The following LARP7 variants were observed in gnomAD, a reference collection of about 807,000 sequenced individuals.
LARP7 encodes the protein la-related protein 7.
In LARP7, 52 loss-of-function variants were observed where a neutral mutation model predicts 69.3. The ratio of observed to expected loss-of-function variants is 0.75; its 90% CI spans 0.60 to 0.95. The LOEUF is 0.95. Among genes scored for constraint, LARP7 ranks in the 40% least tolerant of loss-of-function variants. The pLI is 0.00. For missense variants in LARP7, 733 were observed against 673.0 expected, an observed-to-expected ratio of 1.09 and a Z score of -0.99; for synonymous variants, 254 against 215.9, an observed-to-expected ratio of 1.18 and a Z score of -1.55.
At position 112,654,150 on chromosome 4, in the gene LARP7, C is replaced by T. The variant is rs2048866200; in HGVS notation, c.1659C>T (p.Gly553=). The stretch of plus-strand genomic sequence containing the variant: ...ATCAGCCTCGGGAAAAGAAAAGAGG[C>T]ACTGAAAAGGTAATTGATTCATTTT... The part of the protein sequence containing the change: ...KLNQPREKKR[G]TEKLITKAEK... The change falls in exon 12 of 13, where the codon GGC becomes GGT. Residue 553 remains glycine, a synonymous_variant. Transcript: ENST00000344442. 1 of 1,612,212 alleles carries T rather than the reference C, an allele frequency of 6.2e-7. No individual in the cohort carries two copies. Among genetic ancestry groups the T allele is most frequent in the South Asian group, 1.1e-5 (1 of 91,006 alleles).
chr4:112,649,537 G>A lies in LARP7; in HGVS notation c.1145G>A (p.Ser382Asn), dbSNP rs746681944. Reference protein sequence around the residue: ...EVIPLRVLSKSEWMDLKKEYL... With the variant: ...EVIPLRVLSKNEWMDLKKEYL... ...TATCACCATTTCTTTCCTTGTAGGA[G>A]CGAATGGATGGATTTGAAAAAAGAG... The change falls in exon 9 of 13, where the codon AGC becomes AAC. Residue 382 changes from serine to asparagine, a missense_variant and splice_region_variant. Physicochemically the swap from Ser to Asn is conservative, Grantham distance 46. Coordinates refer to ENST00000344442, the MANE Select transcript of LARP7 (RefSeq NM_016648.4). The A allele has an allele frequency of 8.2e-6, 13 of 1,594,220 alleles. No homozygotes were observed. Among genetic ancestry groups the A allele is most frequent in the Non-Finnish European group, 1.1e-5 (13 of 1,171,390 alleles).
At chr4:112,653,352 C>G in intron 11 of LARP7, 116 bp downstream of exon 11, 1 of 752,052 alleles carries the variant, frequency 1.3e-6, no homozygotes, top group Non-Finnish European at 2.0e-6. Context: ...CTCTGTCGCT[C>G]AGGCTGGAGT....
chr4:112,648,703 A>C (rs970054344), intron 8 of LARP7: 2 of 346,658 alleles, frequency 5.8e-6, no homozygotes, highest in East Asian at 7.5e-5. Flanking sequence ...GAAGGGTAAA[A>C]GGCAGGGACT....
intron 1 of LARP7, among the ~76,000 whole-genome samples, chr4:112,638,705 G>GT (rs1415977237): frequency 6.6e-6 from 1 of 152,152 alleles, no homozygotes; most frequent in African/African-American, 2.4e-5. Flanking sequence ...CTAGGTTTGT[G>GT]TGAATACATC....
rs762734597 is a variant in LARP7, at chr4:112,654,137, A to G, written c.1646A>G (p.Glu549Gly). ...CAGGCAAAACTTAATCAGCCTCGGG[A>G]AAAGAAAAGAGGCACTGAAAAGGTA... ...DRQAKLNQPREKKRGTEKLIT... is the reference protein window; with the variant it reads ...DRQAKLNQPRGKKRGTEKLIT... The change falls in exon 12 of 13, where the codon GAA becomes GGA. Residue 549 changes from glutamate to glycine, a missense_variant. Coordinates refer to ENST00000344442, the MANE Select transcript of LARP7 (RefSeq NM_016648.4). 1.2e-6 allele frequency: 2 copies of G among 1,613,554 alleles called. No individual in the cohort carries two copies. Among genetic ancestry groups the G allele is most frequent in the South Asian group, 1.1e-5 (1 of 91,076 alleles).
rs199928063 is a variant in LARP7 at position 112,646,979 on chromosome 4, AAAAAG to A, written c.552+28_552+32del. 5.3e-4 allele frequency: 835 copies of A among 1,564,988 alleles called. No individual in the cohort carries two copies. In the African/African-American group the frequency reaches 9.8e-3, roughly 18 times the overall value. ...AGGTAAGTCCAGATCCTAAAAAAAA[AAAAAG>A]AAAGAAAAGAAAACAAGTATTAAAA... On this transcript the variant is annotated intron_variant, in intron 5 of 12. Coordinates refer to ENST00000344442, the MANE Select transcript of LARP7 (RefSeq NM_016648.4).
intron 12 of LARP7, chr4:112,655,457 TG>T (rs1250101283): frequency 6.6e-6 from 1 of 152,222 alleles, no homozygotes; most frequent in Non-Finnish European, 1.5e-5. Context: ...TAAGTAGCTA[TG>T]GAAGTAGCCA....
At chr4:112,648,136 T>A in intron 8 of LARP7, 1 of 528,206 alleles carries the variant, frequency 1.9e-6, no homozygotes, top group Non-Finnish European at 3.8e-6. Flanking sequence ...GTCAATACAA[T>A]AAAGTTATTT....
chr4:112,649,390 T>C, intron 8 of LARP7, 145 bp from the exon 9 acceptor site: 1 of 594,402 alleles, frequency 1.7e-6, no homozygotes, highest in Non-Finnish European at 2.8e-6. Context: ...CTTTAGAACC[T>C]AGGAAATATT....
In LARP7 at chr4:112,653,072, T is replaced by C. The variant is rs548006278; in HGVS notation, c.1417-5T>C. 6.3e-7 allele frequency: 1 copy of C among 1,580,954 alleles called. No homozygotes were observed. The highest frequency in any genetic ancestry group is 1.2e-5 in the South Asian group (1 of 84,722). ...TATTTGTCTTTCTACTTAACTCTAA[T>C]GCAGGATACTTTGGCAGCAATCTCA... On this transcript the variant is annotated splice_polypyrimidine_tract_variant and splice_region_variant and intron_variant, in intron 10 of 12. Coordinates refer to ENST00000344442, the MANE Select transcript of LARP7 (RefSeq NM_016648.4).
chr4:112,637,206 A>G lies in LARP7; in HGVS notation c.-36A>G, dbSNP rs1272431048. 7 of 152,342 alleles carry G rather than the reference A, an allele frequency of 4.6e-5. No individual in the cohort carries two copies. The East Asian group carries it at 1.4e-3, about 29-fold the overall frequency. 9.4% of individuals were successfully genotyped at this position (152,342 alleles called of 1,614,324 possible). ...GGAGACGGAAATGTCCGAAGGCCGC[A>G]GTACTTGACCCTGTATTTTGGGAGT... On this transcript the variant is annotated 5_prime_UTR_variant, in exon 1 of 13. Transcript: ENST00000344442.
At chr4:112,655,166 C>A (rs977472241) in intron 12 of LARP7, among the ~76,000 whole-genome samples, 4 of 152,218 alleles carry the variant, frequency 2.6e-5, no homozygotes, top group African/African-American at 9.6e-5. Context: ...CCCAAGGATT[C>A]TTTCAGGGAT....
At chr4:112,644,591 A>T in intron 1 of LARP7, 77 bp from the exon 2 acceptor site, 6 of 1,192,604 alleles carry the variant, frequency 5.0e-6, no homozygotes, top group Non-Finnish European at 6.9e-6. Flanking sequence ...CAGACAGTTA[A>T]AGGCTAATCT....
intron 9 of LARP7, chr4:112,650,136 C>A: frequency 4.8e-6 from 1 of 208,796 alleles, no homozygotes; most frequent in Non-Finnish European, 9.6e-6. Context: ...ATTTAAAACA[C>A]AGTATCCTTT....
chr4:112,650,638 G>C, intron 10 of LARP7, 56 bp downstream of exon 10: 1 of 1,520,630 alleles, frequency 6.6e-7, no homozygotes, highest in Non-Finnish European at 8.9e-7. Context: ...TTATTTCCCT[G>C]TGTGAAAATG....
intron 8 of LARP7, chr4:112,648,573 C>G (rs750581183): frequency 7.8e-6 from 4 of 510,736 alleles, no homozygotes; most frequent in African/African-American, 7.8e-5. Context: ...CAACATACAA[C>G]TTCTTTGGAC....
chr4:112,644,846 A>G lies in LARP7; in HGVS notation c.177A>G (p.Glu59=), dbSNP rs1276326838. ...ANLHKDRFLR[E]QIEKSRDGYV... ...TTCACAAGGATAGATTTCTTCGAGA[A>G]CAGATAGAAAAATCTAGAGATGGAT... The change falls in exon 2 of 13, where the codon GAA becomes GAG. Residue 59 remains glutamate, a synonymous_variant. Coordinates refer to ENST00000344442, the MANE Select transcript of LARP7 (RefSeq NM_016648.4). 11 of 1,588,974 alleles carry G rather than the reference A, an allele frequency of 6.9e-6. No individual in the cohort carries two copies. The highest frequency in any genetic ancestry group is 1.7e-4 in the Middle Eastern group (1 of 5,964).
chr4:112,640,828 A>G (rs1353995033), intron 1 of LARP7, among the ~76,000 whole-genome samples: 1 of 152,250 alleles, frequency 6.6e-6, no homozygotes, highest in African/African-American at 2.4e-5. Context: ...TTGAGCGGAA[A>G]GAGGTAAGTC....
chr4:112,637,483 G>C (rs112699937), intron 1 of LARP7: 5,473 of 152,448 alleles, frequency 0.036, 324 homozygotes, highest in African/African-American at 0.12. Flanking sequence ...GGTTTGGGGC[G>C]CGCCCGGCCT....
Sources: gnomAD v4.1 joint callset for allele counts (sites outside exome capture counted in the v4.1 genomes callset) on GRCh38, gnomAD v4.1.1 for gene constraint, MANE v1.5 for transcripts, NCBI Gene and HGNC (gene_info 2026-07-23, HGNC 2026-07-21) for gene names.